The following SUPT6H variants were observed in gnomAD, a reference collection of about 807,000 sequenced individuals.
SUPT6H encodes the protein transcription elongation factor SPT6.
Under a neutral mutation model 222.3 loss-of-function variants are expected in SUPT6H, and 11 were observed. That is an observed-to-expected ratio of 0.05 (90% confidence interval 0.03 to 0.08). The LOEUF (loss-of-function observed/expected upper bound fraction) is 0.08. Ranked by LOEUF, SUPT6H falls within the 10% of genes least tolerant of loss-of-function variation. The pLI is 1.00. For synonymous variants in SUPT6H, 762 were observed against 801.2 expected (o/e 0.95, Z 0.83); for missense variants, 1,422 against 2,216.0 (o/e 0.64, Z 7.19).
chr17:28,678,290 A>G (rs2030879686), intron 9 of SUPT6H, 98 bp downstream of exon 9: 1 of 1,096,556 alleles, frequency 9.1e-7, no homozygotes, highest in South Asian at 1.3e-5. Flanking sequence ...CCCTTCCCGT[A>G]TCCCCTATCC....
rs775164374 is a variant in SUPT6H, at chr17:28,684,845, G to T, written c.2371G>T (p.Asp791Tyr). The T allele has an allele frequency of 6.2e-7, 1 of 1,614,144 alleles. No individual in the cohort carries two copies. The highest frequency in any genetic ancestry group is 8.5e-7 in the Non-Finnish European group (1 of 1,180,010). The change falls in exon 19 of 37, where the codon GAT becomes TAT. Residue 791 changes from aspartate to tyrosine, a missense_variant and splice_region_variant. Transcript: ENST00000314616. ...CTTGTTTTTCTGTCTGTCTGGCAGA[G>T]ATCACCCTGTGTTCTGCGCCCTGGT... is the stretch of plus-strand genomic sequence containing the variant. Reference protein sequence around the residue: ...VLGIAFSSARDHPVFCALVNG... With the variant: ...VLGIAFSSARYHPVFCALVNG...
At chr17:28,677,636 T>G in intron 7 of SUPT6H, 79 bp from the exon 8 acceptor site, 2 of 995,064 alleles carry the variant, frequency 2.0e-6, no homozygotes, top group Non-Finnish European at 1.6e-6. Flanking sequence ...GATCACACGT[T>G]TCTGTCCAAA....
chr17:28,693,214 A>G (rs560201751), intron 27 of SUPT6H, among the ~76,000 whole-genome samples: 11 of 152,028 alleles, frequency 7.2e-5, no homozygotes, highest in African/African-American at 2.7e-4. Flanking sequence ...TAATCCCAGC[A>G]CTTTGGGAGG....
intron 28 of SUPT6H, chr17:28,695,101 A>G (rs1394815328): frequency 6.6e-6 from 3 of 456,760 alleles, no homozygotes; most frequent in Non-Finnish European, 1.2e-5. Flanking sequence ...TGCCAGGGAC[A>G]GGGTAGATCC....
intron 23 of SUPT6H, 81 bp downstream of exon 23, chr17:28,687,552 C>T: frequency 6.9e-7 from 1 of 1,457,784 alleles, no homozygotes; most frequent in Non-Finnish European, 9.2e-7. Flanking sequence ...TATAATTTGA[C>T]AGATTGGGAG....
intron 7 of SUPT6H, 72 bp downstream of exon 7, chr17:28,676,502 A>T (rs971220689): frequency 1.2e-5 from 19 of 1,599,368 alleles, no homozygotes; most frequent in African/African-American, 2.7e-5. Flanking sequence ...TTCTAGCAAA[A>T]GTCTGGCATT....
At chr17:28,686,562 C>T in intron 20 of SUPT6H, 92 bp from the exon 21 acceptor site, 1 of 1,541,560 alleles carries the variant, frequency 6.5e-7, no homozygotes, top group South Asian at 1.3e-5. Context: ...TCTTCAAAGC[C>T]CTTTCCTCCC....
intron 8 of SUPT6H, 103 bp downstream of exon 8, chr17:28,677,919 A>T: frequency 9.0e-6 from 12 of 1,326,826 alleles, no homozygotes; most frequent in Non-Finnish European, 1.2e-5. Context: ...GCCTGGTATT[A>T]GAAAACTGTG....
intron 1 of SUPT6H, 115 bp from the exon 2 acceptor site, chr17:28,673,256 T>C: frequency 1.7e-6 from 1 of 600,368 alleles, no homozygotes; most frequent in South Asian, 2.1e-5. Context: ...CAAGTGGGAA[T>C]GTTGAGTGGG....
chr17:28,664,724 A>C (rs1486113361), intron 1 of SUPT6H, among the ~76,000 whole-genome samples: 2 of 152,198 alleles, frequency 1.3e-5, no homozygotes, highest in African/African-American at 2.4e-5. Flanking sequence ...TTAGGCACCC[A>C]AAGCTAACAT....
At position 28,689,581 on chromosome 17, in the gene SUPT6H, G is replaced by A; in HGVS notation, c.3342+20G>A. 1 of 1,612,240 alleles carries A rather than the reference G, an allele frequency of 6.2e-7. No individual in the cohort carries two copies. Among genetic ancestry groups the A allele is most frequent in the South Asian group, 1.1e-5 (1 of 91,018 alleles). Reference sequence around the variant, plus strand: ...AGGCAGGTAAGGGACAGCATGGAAGGCCCGGCAGGAGAACCCATCCCAAGT... The same window carrying A: ...AGGCAGGTAAGGGACAGCATGGAAGACCCGGCAGGAGAACCCATCCCAAGT... On this transcript the variant is annotated intron_variant, in intron 25 of 36. Coordinates refer to ENST00000314616, the MANE Select transcript of SUPT6H (RefSeq NM_003170.5).
In SUPT6H at chr17:28,673,448, A is replaced by G. The variant is rs751400299; in HGVS notation, c.47A>G (p.Tyr16Cys). The G allele has an allele frequency of 7.4e-6, 12 of 1,614,094 alleles. No homozygotes were observed. The highest frequency in any genetic ancestry group is 1.0e-5 in the Non-Finnish European group (12 of 1,180,016). ...ESEAEESEEEYNDEGEVVPRV... is the reference protein window; with the variant it reads ...ESEAEESEEECNDEGEVVPRV... ...GAGGCTGAGGAGTCAGAGGAAGAAT[A>G]CAATGATGAAGGCGAGGTGGTACCC... Residue 16 changes from tyrosine (Y) to cysteine (C), a missense_variant, in exon 2 of 37, where the codon TAC becomes TGC. This residue lies in a region of SUPT6H where 89 missense variants were observed against 118.9 expected (regional missense o/e 0.75). Transcript: ENST00000314616.
rs1411429306 is a variant in SUPT6H, at chr17:28,675,059, T to A, written c.435T>A (p.Ile145=). The A allele has an allele frequency of 6.2e-7, 1 of 1,613,814 alleles. No homozygotes were observed. Among genetic ancestry groups the A allele is most frequent in the Admixed American group, 1.7e-5 (1 of 59,978 alleles). ...YGKEEHEKEA[I]AEEIFQDGEG... is the part of the protein sequence containing the mutation. ...AGGAGGAACATGAAAAAGAAGCTAT[T>A]GCGGAAGAAATCTTCCAGGATGGGG... The change falls in exon 5 of 37, where the codon ATT becomes ATA. Residue 145 remains isoleucine (I), a synonymous_variant. Coordinates refer to ENST00000314616, the MANE Select transcript of SUPT6H (RefSeq NM_003170.5).
At position 28,690,225 on chromosome 17, in the gene SUPT6H, C is replaced by T. The variant is rs1218561477; in HGVS notation, c.3486C>T (p.Tyr1162=). 1.2e-6 allele frequency: 2 copies of T among 1,613,638 alleles called. No individual in the cohort carries two copies. The highest frequency in any genetic ancestry group is 1.1e-5 in the South Asian group (1 of 91,052). Residue 1162 remains tyrosine, a synonymous_variant, in exon 26 of 37, where the codon TAC becomes TAT. Coordinates refer to ENST00000314616, the MANE Select transcript of SUPT6H (RefSeq NM_003170.5). ...MLTKETPETF[Y]IGKLIICNVT... The stretch of plus-strand genomic sequence containing the variant: ...CCAAAGAAACACCAGAGACCTTCTA[C>T]ATTGGTAAATTCTGGGGTCATTTTT...
At chr17:28,694,792 T>G in intron 28 of SUPT6H, among the ~76,000 whole-genome samples, 1 of 152,146 alleles carries the variant, frequency 6.6e-6, no homozygotes, top group African/African-American at 2.4e-5. Context: ...TTACTTGAAG[T>G]CAGGAGTTCG....
intron 1 of SUPT6H, among the ~76,000 whole-genome samples, chr17:28,667,396 TGTGTGTGTGTATATATA>T (rs1171753075): frequency 1.9e-5 from 1 of 52,808 alleles, no homozygotes; most frequent in Non-Finnish European, 3.3e-5. Context: ...AAAAAAAAAG[TGTGTGTGTGTATATATA>T]TATATATATA....
intron 25 of SUPT6H, 101 bp downstream of exon 25, chr17:28,689,662 T>G (rs1446908551): frequency 2.7e-6 from 3 of 1,122,668 alleles, no homozygotes; most frequent in Non-Finnish European, 3.9e-6. Context: ...CTGATACTGT[T>G]AGTATGGCAG....
intron 27 of SUPT6H, among the ~76,000 whole-genome samples, chr17:28,692,576 CAT>C (rs1222983359): frequency 1.4e-5 from 2 of 147,672 alleles, no homozygotes; most frequent in East Asian, 4.0e-4. Context: ...GTTGGATAAA[CAT>C]AAAAGAGGAT....
intron 1 of SUPT6H, among the ~76,000 whole-genome samples, chr17:28,663,828 A>ATTTTCTTTTTTTTTTTTTTTTTTTT (rs2072113767): frequency 2.6e-5 from 1 of 38,374 alleles, no homozygotes. Flanking sequence ...TGCCCACTCC[A>ATTTTCTTTTTTTTTTTTTTTTTTTT]TTTTTTTTTT....
Sources: allele counts gnomAD v4.1 joint callset (sites outside exome capture counted in the v4.1 genomes callset), GRCh38; gene constraint gnomAD v4.1.1; regional missense constraint gnomAD v4.1.1; transcripts MANE v1.5; gene names NCBI Gene and HGNC (gene_info 2026-07-23, HGNC 2026-07-21).